Variants in LMO7 observed in about 807,000 individuals in gnomAD.
LMO7 encodes the protein LIM domain 7, also known as LIM domain only protein 7.
Under a neutral mutation model 206.5 loss-of-function variants are expected in LMO7, and 120 were observed. The ratio of observed to expected loss-of-function variants is 0.58; its 90% CI spans 0.50 to 0.68. The LOEUF (loss-of-function observed/expected upper bound fraction) is 0.68. Ranked by LOEUF, LMO7 falls within the 30% of genes least tolerant of loss-of-function variation. LMO7 has a pLI of 0.00. For missense variants in LMO7, 1,959 were observed against 1,957.9 expected, an observed-to-expected ratio of 1.00 and a Z score of -0.01; for synonymous variants, 706 against 681.5, an observed-to-expected ratio of 1.04 and a Z score of -0.56.
intron 12 of LMO7, among the ~76,000 whole-genome samples, chr13:75,818,191 G>A (rs1200665994): frequency 6.6e-6 from 1 of 152,166 alleles, no homozygotes; most frequent in Admixed American, 6.5e-5. Flanking sequence ...ATTTTCTGGT[G>A]TGAAAGTAAG....
Position 75,858,807 on chromosome 13 carries a change from C to T in LMO7, c.*864C>T, listed in dbSNP as rs542192839. ...ACTAAGGTATAATTGATGTAATAAA[C>T]TGCATATATTTAAAGTGTATACTTT... On this transcript the variant is annotated 3_prime_UTR_variant, in exon 31 of 31. Transcript: ENST00000377534. The T allele has an allele frequency of 6.6e-5, 10 of 152,422 alleles. No individual in the cohort carries two copies. Among genetic ancestry groups the T allele is most frequent in the African/African-American group, 2.2e-4 (9 of 41,554 alleles). The allele number at this position is 152,422 out of a possible 1,614,324, so 9.4% of individuals were successfully genotyped here.
chr13:75,648,751 C>T (rs1053760142), intron 1 of LMO7, among the ~76,000 whole-genome samples: 1 of 152,158 alleles, frequency 6.6e-6, no homozygotes, highest in Non-Finnish European at 1.5e-5. Flanking sequence ...GAGCACTTGT[C>T]AATCTATCAA....
chr13:75,679,916 T>C (rs1371258784), intron 1 of LMO7, among the ~76,000 whole-genome samples: 1 of 152,202 alleles, frequency 6.6e-6, no homozygotes, highest in Non-Finnish European at 1.5e-5. Flanking sequence ...ATTTTTATTT[T>C]ATTTTAAGTT....
At chr13:75,695,921 A>C (rs2041863359) in intron 1 of LMO7, among the ~76,000 whole-genome samples, 1 of 149,946 alleles carries the variant, frequency 6.7e-6, no homozygotes, top group Admixed American at 6.6e-5. Flanking sequence ...TGTATGTTTT[A>C]TGTACCTAGA....
chr13:75,736,615 A>G (rs941136667), intron 3 of LMO7, among the ~76,000 whole-genome samples: 6 of 152,250 alleles, frequency 3.9e-5, no homozygotes, highest in African/African-American at 1.4e-4. Flanking sequence ...TTTACATTCT[A>G]GTGAAGGAGG....
intron 20 of LMO7, 184 bp from the exon 21 acceptor site, chr13:75,839,901 G>T (rs2059434339): frequency 1.9e-6 from 1 of 539,178 alleles, no homozygotes; most frequent in Non-Finnish European, 3.3e-6. Context: ...TGAAAGATGA[G>T]TAACAGATGG....
intron 14 of LMO7, among the ~76,000 whole-genome samples, chr13:75,822,672 C>T (rs1002174021): frequency 6.7e-6 from 1 of 149,218 alleles, no homozygotes; most frequent in Non-Finnish European, 1.5e-5. Context: ...TTAAAAACAT[C>T]GAAAATATCT....
At chr13:75,658,288 A>G (rs1281400274) in intron 1 of LMO7, among the ~76,000 whole-genome samples, 2 of 152,100 alleles carry the variant, frequency 1.3e-5, no homozygotes, top group Non-Finnish European at 2.9e-5. Flanking sequence ...TGATTTAGCT[A>G]TTATAAATTT....
intron 1 of LMO7, among the ~76,000 whole-genome samples, chr13:75,707,925 G>T (rs1179995346): frequency 6.6e-6 from 1 of 151,926 alleles, no homozygotes; most frequent in African/African-American, 2.4e-5. Flanking sequence ...TTTTGGGGGA[G>T]ATGAACCATT....
intron 1 of LMO7, among the ~76,000 whole-genome samples, chr13:75,638,590 G>A (rs1460079857): frequency 2.0e-5 from 3 of 151,982 alleles, no homozygotes; most frequent in African/African-American, 4.8e-5. Flanking sequence ...CATCCCACTT[G>A]GAACAAGGCA....
At chr13:75,664,779 T>A (rs115959893) in intron 1 of LMO7, among the ~76,000 whole-genome samples, 1,907 of 152,340 alleles carry the variant, frequency 0.013, 46 homozygotes, top group African/African-American at 0.043. Flanking sequence ...TTTGGCTTCT[T>A]ACTTACTAGA....
At chr13:75,721,677 A>G (rs1051376072) in intron 2 of LMO7, among the ~76,000 whole-genome samples, 1 of 152,234 alleles carries the variant, frequency 6.6e-6, no homozygotes, top group South Asian at 2.1e-4. Context: ...ATTCCATGGT[A>G]TATGCATATA....
At chr13:75,850,759 G>A (rs1239843784) in intron 27 of LMO7, among the ~76,000 whole-genome samples, 1 of 152,090 alleles carries the variant, frequency 6.6e-6, no homozygotes, top group Non-Finnish European at 1.5e-5. Context: ...AAGGACTAGA[G>A]AGTAAATAAT....
At chr13:75,657,773 C>A (rs1031282595) in intron 1 of LMO7, among the ~76,000 whole-genome samples, 3 of 151,938 alleles carry the variant, frequency 2.0e-5, no homozygotes, top group African/African-American at 7.3e-5. Flanking sequence ...ATATATAATT[C>A]CTTGTTATAT....
At chr13:75,679,461 A>G (rs1005508595) in intron 1 of LMO7, among the ~76,000 whole-genome samples, 1 of 152,232 alleles carries the variant, frequency 6.6e-6, no homozygotes, top group African/African-American at 2.4e-5. Context: ...AGCTTTTGCC[A>G]TGATAATGCT....
At chr13:75,695,830 G>A (rs2041855614) in intron 1 of LMO7, among the ~76,000 whole-genome samples, 1 of 152,104 alleles carries the variant, frequency 6.6e-6, no homozygotes, top group Non-Finnish European at 1.5e-5. Flanking sequence ...ACAGACTAGT[G>A]GTGTTATATA....
intron 1 of LMO7, among the ~76,000 whole-genome samples, chr13:75,663,473 C>T (rs1387327459): frequency 1.5e-5 from 2 of 134,988 alleles, no homozygotes; most frequent in Non-Finnish European, 3.0e-5. Context: ...CTCTGTCGCC[C>T]AGGCTGGAGT....
chr13:75,639,839 C>T (rs555780237), intron 1 of LMO7, among the ~76,000 whole-genome samples: 1 of 152,308 alleles, frequency 6.6e-6, no homozygotes, highest in Admixed American at 6.5e-5. Context: ...ACTTAATTCA[C>T]CACCTTTCTG....
chr13:75,740,720 A>AT (rs1728754761), intron 3 of LMO7, among the ~76,000 whole-genome samples: 1 of 152,148 alleles, frequency 6.6e-6, no homozygotes, highest in Non-Finnish European at 1.5e-5. Flanking sequence ...CTAGTCACTA[A>AT]CAGCAGCATT....
Sources: gnomAD v4.1 joint callset for allele counts (sites outside exome capture counted in the v4.1 genomes callset) on GRCh38, gnomAD v4.1.1 for gene constraint, MANE v1.5 for transcripts, NCBI Gene and HGNC (gene_info 2026-07-23, HGNC 2026-07-21) for gene names.